Variants in CYP39A1 observed in about 807,000 individuals in gnomAD.
CYP39A1 encodes 24-hydroxycholesterol 7-alpha-hydroxylase.
Under a neutral mutation model 58.1 loss-of-function variants are expected in CYP39A1, and 49 were observed. The observed-to-expected ratio is 0.84, with a 90% CI of 0.67 to 1.07. The LOEUF (loss-of-function observed/expected upper bound fraction) is 1.07, where lower values mean the gene tolerates loss of function less well. CYP39A1 is among the 50% of genes least tolerant of loss of function. The pLI is 0.00. For synonymous variants in CYP39A1, 209 were observed against 187.6 expected, an observed-to-expected ratio of 1.11 and a Z score of -0.93; for missense variants, 531 against 539.4, an observed-to-expected ratio of 0.98 and a Z score of 0.16.
chr6:46,588,820 C>T (rs1308671527), intron 8 of CYP39A1, among the ~76,000 whole-genome samples: 1 of 152,116 alleles, frequency 6.6e-6, no homozygotes, highest in African/African-American at 2.4e-5. Flanking sequence ...TGAGGATAAA[C>T]AATGTGTTTC....
chr6:46,591,640 C>T (rs570777984), intron 8 of CYP39A1, among the ~76,000 whole-genome samples: 2 of 152,016 alleles, frequency 1.3e-5, no homozygotes, highest in Non-Finnish European at 2.9e-5. Flanking sequence ...TTAAAATAGA[C>T]ATAGACAAAA....
chr6:46,643,811 T>C (rs1776487203), intron 1 of CYP39A1, among the ~76,000 whole-genome samples: 1 of 145,458 alleles, frequency 6.9e-6, no homozygotes, highest in Non-Finnish European at 1.5e-5. Context: ...TTTCCTTTTG[T>C]TCTTTTTTTG....
chr6:46,598,958 A>G (rs1239681370), intron 7 of CYP39A1, among the ~76,000 whole-genome samples: 1 of 152,096 alleles, frequency 6.6e-6, no homozygotes, highest in Non-Finnish European at 1.5e-5. Context: ...TTTAATAATG[A>G]CTCTTTAGAA....
At position 46,616,179 on chromosome 6, in the gene CYP39A1, CT is replaced by C. The variant is rs1247244223; in HGVS notation, c.931+9238del. ...TTCTTTCTTTTTTCTTTCTTTCTTT[CT>C]TTCTTTCTTCTTTCCCTCCCTCCCT... On this transcript the variant is annotated intron_variant, in intron 7 of 11. Coordinates refer to ENST00000275016, the MANE Select transcript of CYP39A1 (RefSeq NM_016593.5). Among the ~76,000 whole-genome samples, 36 of 30,366 alleles carry C rather than the reference CT, an allele frequency of 1.2e-3. 1 individual carries two copies. The highest frequency in any genetic ancestry group is 3.7e-3 in the African/African-American group (26 of 7,088). The allele number at this position is 30,366 out of a possible 152,430, so 19.9% of individuals were successfully genotyped here. A position where few individuals can be genotyped will look rare whatever the true frequency, so the allele number is the denominator to read the frequency against.
intron 7 of CYP39A1, among the ~76,000 whole-genome samples, chr6:46,600,128 TTTTTC>T (rs1439886272): frequency 1.4e-5 from 2 of 144,294 alleles, no homozygotes; most frequent in Non-Finnish European, 3.0e-5. Context: ...TTTCTTTTCT[TTTTTC>T]TTTTCTTTTT....
intron 10 of CYP39A1, among the ~76,000 whole-genome samples, chr6:46,561,691 C>G (rs141777099): frequency 6.6e-6 from 1 of 151,908 alleles, no homozygotes; most frequent in Non-Finnish European, 1.5e-5. Flanking sequence ...GGTGTGGAAA[C>G]GGGGTTTCTC....
chr6:46,607,466 C>CAT (rs780073344), intron 7 of CYP39A1, among the ~76,000 whole-genome samples: 2 of 146,858 alleles, frequency 1.4e-5, no homozygotes, highest in Admixed American at 6.9e-5. Context: ...CTTCCCCCTA[C>CAT]ACACACACAC....
chr6:46,586,614 A>G, intron 10 of CYP39A1: 1 of 978,030 alleles, frequency 1.0e-6, no homozygotes, highest in Non-Finnish European at 1.2e-6. Flanking sequence ...AAAGGTATCA[A>G]AAGAAAGTTT....
intron 7 of CYP39A1, among the ~76,000 whole-genome samples, chr6:46,622,064 C>G (rs973640751): frequency 2.0e-5 from 3 of 151,980 alleles, no homozygotes; most frequent in Admixed American, 6.6e-5. Context: ...ACGAAAGGAG[C>G]CAGACACAAA....
intron 8 of CYP39A1, among the ~76,000 whole-genome samples, chr6:46,594,473 T>C (rs1265420297): frequency 2.0e-5 from 3 of 152,072 alleles, no homozygotes; most frequent in South Asian, 2.1e-4. Context: ...CATAGATCAA[T>C]AGAACAGAAT....
In CYP39A1 at chr6:46,634,660, T is replaced by C. The variant is rs1471645781; in HGVS notation, c.732+1729A>G. 2.0e-5 allele frequency among the ~76,000 whole-genome samples: 3 copies of C among 152,076 alleles called. No homozygotes were observed. In the South Asian group the frequency reaches 6.2e-4, roughly 32 times the overall value. The stretch of plus-strand genomic sequence containing the variant: ...CCTCAGCCTCCTGAGTAGCTGGGAT[T>C]ACAGGCGCGCACCACCATGCCAGGC... On this transcript the variant is annotated intron_variant, in intron 5 of 11. Coordinates refer to ENST00000275016, the MANE Select transcript of CYP39A1 (RefSeq NM_016593.5).
chr6:46,582,957 C>A, intron 10 of CYP39A1: 1 of 539,502 alleles, frequency 1.9e-6, no homozygotes, highest in South Asian at 8.1e-5. Context: ...TGGTTAAAAA[C>A]AGTACTACTA....
chr6:46,587,199 G>C, intron 9 of CYP39A1, 34 bp from the exon 10 acceptor site: 1 of 1,361,772 alleles, frequency 7.3e-7, no homozygotes, highest in Non-Finnish European at 1.0e-6. Context: ...TTCCAAATCA[G>C]CCTTATATAA....
At chr6:46,599,235 A>G (rs1191841285) in intron 7 of CYP39A1, among the ~76,000 whole-genome samples, 1 of 152,172 alleles carries the variant, frequency 6.6e-6, no homozygotes, top group Non-Finnish European at 1.5e-5. Flanking sequence ...CAGAGAACTA[A>G]AAGTGGTTAA....
At chr6:46,636,044 A>G (rs761098213) in intron 5 of CYP39A1, among the ~76,000 whole-genome samples, 6 of 152,222 alleles carry the variant, frequency 3.9e-5, no homozygotes, top group African/African-American at 7.2e-5. Flanking sequence ...GGCATCAACA[A>G]CAAAGCCTAT....
At chr6:46,612,144 C>T (rs1056524979) in intron 7 of CYP39A1, among the ~76,000 whole-genome samples, 4 of 152,176 alleles carry the variant, frequency 2.6e-5, no homozygotes, top group African/African-American at 9.7e-5. Context: ...TCTCTTTCAG[C>T]CACTGAAGCT....
intron 10 of CYP39A1, among the ~76,000 whole-genome samples, chr6:46,575,778 C>A (rs1029705436): frequency 1.3e-5 from 2 of 152,132 alleles, no homozygotes; most frequent in Non-Finnish European, 1.5e-5. Flanking sequence ...TGCTCCCAGC[C>A]CTCCTGGGTT....
chr6:46,577,812 A>G (rs1771920745), intron 10 of CYP39A1, among the ~76,000 whole-genome samples: 2 of 152,096 alleles, frequency 1.3e-5, no homozygotes, highest in South Asian at 4.1e-4. Flanking sequence ...TGATACTTAC[A>G]TACCACACAA....
rs1022587332 is a variant in CYP39A1, at chr6:46,603,471, A to T, written c.932-7351T>A. Reference sequence around the variant, plus strand: ...CTGATCAAAGACCCAAAAGAATGCAAGCATTTGCCCCTTTTATCTACCCTC... The same window carrying T: ...CTGATCAAAGACCCAAAAGAATGCATGCATTTGCCCCTTTTATCTACCCTC... On this transcript the variant is annotated intron_variant, in intron 7 of 11. Transcript: ENST00000275016. Among the ~76,000 whole-genome samples, 11 of 152,130 alleles carry T rather than the reference A, an allele frequency of 7.2e-5. 1 individual carries two copies. Among genetic ancestry groups the T allele is most frequent in the Middle Eastern group, 3.2e-3 (1 of 316 alleles).
Sources: gnomAD v4.1 joint callset for allele counts (sites outside exome capture counted in the v4.1 genomes callset) on GRCh38, gnomAD v4.1.1 for gene constraint, MANE v1.5 for transcripts, NCBI Gene and HGNC (gene_info 2026-07-23, HGNC 2026-07-21) for gene names.